Variants in VWA3B observed in about 807,000 individuals in gnomAD.
The protein encoded by VWA3B is von Willebrand factor A domain containing 3B.
A neutral mutation model predicts 158.3 loss-of-function variants in VWA3B; 138 were observed. The observed-to-expected ratio is 0.87, with a 90% CI of 0.76 to 1.00. The LOEUF (loss-of-function observed/expected upper bound fraction) is 1.00, where lower values mean the gene tolerates loss of function less well. Among genes scored for constraint, VWA3B ranks in the 50% least tolerant of loss-of-function variants. The probability of loss-of-function intolerance (pLI) is 0.00; values close to 1 mark genes in which losing one functional copy is unlikely to be tolerated. For missense variants in VWA3B, 1,555 were observed against 1,565.1 expected (o/e 0.99, Z 0.11); for synonymous variants, 596 against 587.3 (o/e 1.01, Z -0.21).
the VWA3B span, among the ~76,000 whole-genome samples, chr2:98,329,767 C>A: frequency 6.6e-6 from 1 of 152,110 alleles, no homozygotes; most frequent in Non-Finnish European, 1.5e-5. Flanking sequence ...CTGGGTGGGC[C>A]TGGCTCAATC....
intron 19 of VWA3B, among the ~76,000 whole-genome samples, chr2:98,239,130 C>T (rs1383257061): frequency 6.6e-6 from 1 of 151,930 alleles, no homozygotes; most frequent in South Asian, 2.1e-4. Flanking sequence ...TGTTCAGAAG[C>T]CTTAAGAACT....
chr2:98,097,276 A>G (rs1011008416), intron 2 of VWA3B, among the ~76,000 whole-genome samples: 37 of 152,060 alleles, frequency 2.4e-4, no homozygotes, highest in African/African-American at 8.9e-4. Flanking sequence ...GAGTCTCCAA[A>G]TTCCATTGTA....
chr2:98,218,158 T>A, intron 14 of VWA3B, 130 bp downstream of exon 14: 1 of 999,500 alleles, frequency 1.0e-6, no homozygotes, highest in Non-Finnish European at 1.4e-6. Flanking sequence ...ATGAGTCGCT[T>A]AACAATGAGT....
intron 7 of VWA3B, among the ~76,000 whole-genome samples, chr2:98,161,108 A>G (rs796994481): frequency 2.4e-4 from 37 of 152,082 alleles, no homozygotes; most frequent in African/African-American, 8.0e-4. Context: ...ATCATCTGTG[A>G]TTGTGGGATA....
chr2:98,180,603 G>A (rs1004271468), intron 8 of VWA3B, among the ~76,000 whole-genome samples: 3 of 152,238 alleles, frequency 2.0e-5, no homozygotes, highest in African/African-American at 4.8e-5. Flanking sequence ...GTCAAGTGGA[G>A]TGACTCACCC....
chr2:98,095,475 T>A (rs1317701617), intron 2 of VWA3B, among the ~76,000 whole-genome samples: 1 of 152,224 alleles, frequency 6.6e-6, no homozygotes, highest in Non-Finnish European at 1.5e-5. Flanking sequence ...AATTTTGTAG[T>A]CTGCAACTTT....
At chr2:98,306,032 T>A (rs1210570354) in intron 26 of VWA3B, among the ~76,000 whole-genome samples, 1 of 152,096 alleles carries the variant, frequency 6.6e-6, no homozygotes, top group Non-Finnish European at 1.5e-5. Context: ...CTAACCACAC[T>A]AAGCTACATG....
Position 98,101,283 on chromosome 2 carries a change from T to C in VWA3B, c.196+7995T>C, listed in dbSNP as rs78058989. On this transcript the variant is annotated intron_variant, in intron 2 of 27. Transcript: ENST00000477737. ...GAAAGCATGAAAATGTGTGAGGGTA[T>C]ATACAACGTATATATACTTTTGCAT... Among the ~76,000 whole-genome samples, 157 of 152,346 alleles carry C rather than the reference T, an allele frequency of 1.0e-3. 3 individuals are homozygous for C. In the East Asian group the frequency reaches 0.03, roughly 29 times the overall value.
chr2:98,312,150 G>A, intron 27 of VWA3B, 50 bp from the exon 28 acceptor site: 1 of 1,614,092 alleles, frequency 6.2e-7, no homozygotes, highest in Non-Finnish European at 8.5e-7. Flanking sequence ...AGGCTCCAGT[G>A]CAGCAAAGAC....
chr2:98,207,364 G>T, intron 12 of VWA3B: 1 of 485,272 alleles, frequency 2.1e-6, no homozygotes, highest in South Asian at 1.6e-5. Context: ...TCACATCATG[G>T]ATCCCAACAT....
intron 8 of VWA3B, among the ~76,000 whole-genome samples, chr2:98,179,887 T>A (rs1321758492): frequency 7.2e-6 from 1 of 139,546 alleles, no homozygotes; most frequent in Non-Finnish European, 1.6e-5. Context: ...TCCCTCCCTC[T>A]CTCTCTTTCT....
At chr2:98,325,106 G>T in the VWA3B span, among the ~76,000 whole-genome samples, 1 of 152,154 alleles carries the variant, frequency 6.6e-6, no homozygotes, top group African/African-American at 2.4e-5. Context: ...AGATAACGGG[G>T]AAAAATATTT....
At chr2:98,248,455 C>T (rs943856844) in intron 19 of VWA3B, among the ~76,000 whole-genome samples, 1 of 152,108 alleles carries the variant, frequency 6.6e-6, no homozygotes, top group Non-Finnish European at 1.5e-5. Flanking sequence ...CCCTCATGGG[C>T]TTTTATAGCT....
At chr2:98,110,363 T>G (rs181465201) in intron 2 of VWA3B, among the ~76,000 whole-genome samples, 1 of 152,270 alleles carries the variant, frequency 6.6e-6, no homozygotes, top group African/African-American at 2.4e-5. Flanking sequence ...TTATTCTTCT[T>G]TATATCTTCT....
chr2:98,110,815 AG>A (rs1353250349), intron 2 of VWA3B, among the ~76,000 whole-genome samples: 3 of 152,228 alleles, frequency 2.0e-5, no homozygotes, highest in Non-Finnish European at 4.4e-5. Flanking sequence ...GGAGGGACCC[AG>A]TGGGAGGTAA....
At chr2:98,167,347 G>A (rs1480346854) in intron 8 of VWA3B, among the ~76,000 whole-genome samples, 1 of 152,012 alleles carries the variant, frequency 6.6e-6, no homozygotes, top group Non-Finnish European at 1.5e-5. Flanking sequence ...ACCAAGAGCA[G>A]GACGTGAGAG....
the VWA3B span, among the ~76,000 whole-genome samples, chr2:98,327,550 A>G: frequency 1.3e-5 from 2 of 152,244 alleles, no homozygotes; most frequent in Admixed American, 1.3e-4. Flanking sequence ...TAATTCAGTT[A>G]ATTCCAGTTG....
intron 22 of VWA3B, among the ~76,000 whole-genome samples, chr2:98,289,876 CA>C (rs940836552): frequency 6.6e-6 from 1 of 152,182 alleles, no homozygotes; most frequent in African/African-American, 2.4e-5. Flanking sequence ...ACTACTCATC[CA>C]ATTCTCCTTG....
At chr2:98,113,884 A>C (rs1291188671) in intron 2 of VWA3B, among the ~76,000 whole-genome samples, 1 of 152,206 alleles carries the variant, frequency 6.6e-6, no homozygotes, top group African/African-American at 2.4e-5. Flanking sequence ...GTATGGCTGT[A>C]CTACGATTTT....
Sources: allele counts gnomAD v4.1 joint callset (sites outside exome capture counted in the v4.1 genomes callset), GRCh38; gene constraint gnomAD v4.1.1; transcripts MANE v1.5; gene names NCBI Gene and HGNC (gene_info 2026-07-23, HGNC 2026-07-21).